The following ATP6AP2 variants were observed in gnomAD, a reference collection of about 807,000 sequenced individuals.
ATP6AP2 encodes the protein ATPase H+ transporting accessory protein 2.
A neutral mutation model predicts 23.4 loss-of-function variants in ATP6AP2; 1 was observed. The observed-to-expected ratio is 0.04, with a 90% CI of 0.02 to 0.20. ATP6AP2 has a LOEUF of 0.20. Ranked by LOEUF, ATP6AP2 falls within the 10% of genes least tolerant of loss-of-function variation. The probability of loss-of-function intolerance (pLI) is 1.00; values close to 1 mark genes in which losing one functional copy is unlikely to be tolerated. For synonymous variants in ATP6AP2, 90 were observed against 97.1 expected, an observed-to-expected ratio of 0.93 and a Z score of 0.43; for missense variants, 174 against 271.3, an observed-to-expected ratio of 0.64 and a Z score of 2.52.
At chrX:40,603,024 C>T (rs1286594203) in intron 8 of ATP6AP2, among the ~76,000 whole-genome samples, 1 of 100,533 alleles carries the variant, frequency 9.9e-6, no homozygotes, top group Non-Finnish European at 2.0e-5. Flanking sequence ...GCCTCCACCT[C>T]CCAGATTCAA....
At position 40,603,396 on chromosome X, in the gene ATP6AP2, C is replaced by T. The variant is rs184748225; in HGVS notation, c.859-2165C>T. 5.5e-5 allele frequency: 6 copies of T among 109,314 alleles called. No homozygotes were observed. In the East Asian group the frequency reaches 8.5e-4, roughly 16 times the overall value. The allele number at this position is 109,314 out of a possible 1,213,427, so 9.0% of individuals were successfully genotyped here. On this transcript the variant is annotated intron_variant, in intron 8 of 8. Coordinates refer to ENST00000636580, the MANE Select transcript of ATP6AP2 (RefSeq NM_005765.3). ...AAAGAAACAAAGAGGTCTTCATGGGCGTGAAATCCTTTAACGTTTGCCTCA... is the reference window on the plus strand; with the variant it reads ...AAAGAAACAAAGAGGTCTTCATGGGTGTGAAATCCTTTAACGTTTGCCTCA...
At chrX:40,590,184 A>G (rs766611308) in intron 2 of ATP6AP2, 1 of 111,208 alleles carries the variant, frequency 9.0e-6, no homozygotes, top group South Asian at 3.8e-4. Context: ...CTGAGTAGCT[A>G]GGACTACAGA....
At chrX:40,583,437 T>TA (rs1368788788) in intron 1 of ATP6AP2, among the ~76,000 whole-genome samples, 2 of 111,745 alleles carry the variant, frequency 1.8e-5, no homozygotes, top group Non-Finnish European at 3.8e-5. Context: ...ACAGCATGTG[T>TA]AAAAGCATGG....
intron 1 of ATP6AP2, among the ~76,000 whole-genome samples, chrX:40,588,543 TG>T (rs1926539226): frequency 9.0e-6 from 1 of 111,444 alleles, no homozygotes; most frequent in Non-Finnish European, 1.9e-5. Context: ...AGTCTGTGCC[TG>T]GGCTTTGTTT....
chrX:40,598,843 T>A (rs1227153269), intron 6 of ATP6AP2, 109 bp downstream of exon 6: 1 of 779,031 alleles, frequency 1.3e-6, no homozygotes, highest in Non-Finnish European at 1.9e-6. Context: ...CCTAGATTTA[T>A]GATCCCATGA....
At chrX:40,598,818 T>C (rs1364460425) in intron 6 of ATP6AP2, 84 bp downstream of exon 6, 21 of 940,763 alleles carry the variant, frequency 2.2e-5, no homozygotes, top group Non-Finnish European at 3.0e-5. Context: ...AGTTGAAAAG[T>C]TTGATTAAGT....
chrX:40,605,817 C>A lies in ATP6AP2; in HGVS notation c.*62C>A. The A allele has an allele frequency of 3.0e-6, 3 of 986,114 alleles. No homozygotes were observed. The allele number at this position is 986,114 out of a possible 1,213,427, so 81.3% of individuals were successfully genotyped here. ...AATTGGCTGTTTTGTTAAAATATAT[C>A]TTTTAGTGTGCTTTAAAGTAGATAG... On this transcript the variant is annotated 3_prime_UTR_variant, in exon 9 of 9. Coordinates refer to ENST00000636580, the MANE Select transcript of ATP6AP2 (RefSeq NM_005765.3).
chrX:40,601,593 C>T (rs552759572), intron 8 of ATP6AP2, among the ~76,000 whole-genome samples: 5 of 112,092 alleles, frequency 4.5e-5, no homozygotes, highest in South Asian at 7.3e-4. Flanking sequence ...TACATATATA[C>T]TTACAGCTGC....
intron 1 of ATP6AP2, among the ~76,000 whole-genome samples, chrX:40,587,143 A>G (rs907464915): frequency 9.9e-5 from 11 of 111,250 alleles, no homozygotes; most frequent in African/African-American, 3.6e-4. Flanking sequence ...GGTGGCACAC[A>G]CCTGTAATCC....
chrX:40,594,238 A>G (rs775080857), intron 3 of ATP6AP2, among the ~76,000 whole-genome samples: 2 of 112,236 alleles, frequency 1.8e-5, no homozygotes, highest in African/African-American at 6.5e-5. Context: ...AGTATTTGGA[A>G]ATAGTAACAA....
intron 2 of ATP6AP2, 150 bp from the exon 3 acceptor site, chrX:40,591,084 C>T (rs1012863631): frequency 2.7e-5 from 18 of 665,419 alleles, no homozygotes; most frequent in African/African-American, 4.4e-5. Flanking sequence ...GGGATTGCAA[C>T]GACTGCCACA....
chrX:40,588,950 G>A (rs1432190283), intron 1 of ATP6AP2, 36 bp from the exon 2 acceptor site: 1 of 1,181,546 alleles, frequency 8.5e-7, no homozygotes, highest in Non-Finnish European at 1.1e-6. Flanking sequence ...GATTTATGAT[G>A]TTGATAATTC....
intron 1 of ATP6AP2, among the ~76,000 whole-genome samples, chrX:40,584,728 T>C (rs1926421566): frequency 1.8e-5 from 2 of 111,207 alleles, no homozygotes; most frequent in South Asian, 7.7e-4. Context: ...GTGCTCTGCC[T>C]CTTGAGTAGC....
intron 1 of ATP6AP2, among the ~76,000 whole-genome samples, chrX:40,582,587 G>A (rs1926358395): frequency 8.9e-6 from 1 of 111,932 alleles, no homozygotes; most frequent in African/African-American, 3.2e-5. Flanking sequence ...TGATAGTTAC[G>A]TTGTATCCAT....
intron 3 of ATP6AP2, chrX:40,591,680 G>T: frequency 4.0e-6 from 1 of 248,107 alleles, no homozygotes; most frequent in Non-Finnish European, 7.4e-6. Flanking sequence ...TCCTGCTACT[G>T]TTTTTTTGGC....
At chrX:40,583,624 T>G (rs1926385190) in intron 1 of ATP6AP2, among the ~76,000 whole-genome samples, 1 of 111,704 alleles carries the variant, frequency 9.0e-6, no homozygotes, top group African/African-American at 3.3e-5. Flanking sequence ...TGATCAGATC[T>G]GTATTTTGAA....
At position 40,581,108 on chromosome X, in the gene ATP6AP2, G is replaced by T; in HGVS notation, c.37+6G>T. 8.6e-7 allele frequency: 1 copy of T among 1,160,950 alleles called. No homozygotes were observed. On this transcript the variant is annotated splice_donor_region_variant and intron_variant, in intron 1 of 8. Coordinates refer to ENST00000636580, the MANE Select transcript of ATP6AP2 (RefSeq NM_005765.3). ...GCTCCTGGCGTTGGTGGCGGGTGAG[G>T]AGCCGGGGGCCGGCAGGACGTGCCT... is the stretch of plus-strand genomic sequence containing the variant.
rs200228154 is a variant in ATP6AP2, at chrX:40,591,184, G to A, written c.169-50G>A. 8.1e-5 allele frequency: 97 copies of A among 1,203,853 alleles called. No homozygotes were observed. The Middle Eastern group carries it at 1.3e-3, about 16-fold the overall frequency. ...GCTTATTAGATGTTATTGGGGAGGTGGGTTCCTGAGTTGATAATTAAGCAC... is the reference window on the plus strand; with the variant it reads ...GCTTATTAGATGTTATTGGGGAGGTAGGTTCCTGAGTTGATAATTAAGCAC... On this transcript the variant is annotated intron_variant, in intron 2 of 8. Transcript: ENST00000636580.
rs139357387 is a variant in ATP6AP2 at position 40,588,119 on chromosome X, A to C, written c.38-867A>C. ...TCACGAGGTTAATAGATAATGGATGAAGAGGCCAAATACCTCATCCTTAGC... is the reference window on the plus strand; with the variant it reads ...TCACGAGGTTAATAGATAATGGATGCAGAGGCCAAATACCTCATCCTTAGC... On this transcript the variant is annotated intron_variant, in intron 1 of 8. Transcript: ENST00000636580. Among the ~76,000 whole-genome samples the C allele has an allele frequency of 4.5e-3, 505 of 112,492 alleles. 4 individuals are homozygous for C. The highest frequency in any genetic ancestry group is 0.015 in the African/African-American group (470 of 30,976).
Sources: allele counts gnomAD v4.1 joint callset (sites outside exome capture counted in the v4.1 genomes callset), GRCh38; gene constraint gnomAD v4.1.1; transcripts MANE v1.5; gene names NCBI Gene and HGNC (gene_info 2026-07-23, HGNC 2026-07-21).